The following MARCHF8 variants were observed in gnomAD, a reference collection of about 807,000 sequenced individuals.
MARCHF8 encodes E3 ubiquitin-protein ligase MARCHF8.
In MARCHF8, 40 loss-of-function variants were observed where a neutral mutation model predicts 51.6. The ratio of observed to expected loss-of-function variants is 0.77; its 90% confidence interval spans 0.60 to 1.01. The LOEUF (loss-of-function observed/expected upper bound fraction) is 1.01, where lower values mean the gene tolerates loss of function less well. Ranked by LOEUF, MARCHF8 falls within the 50% of genes least tolerant of loss-of-function variation. MARCHF8 has a pLI of 0.00. For synonymous variants in MARCHF8, 263 were observed against 280.3 expected (o/e 0.94, Z 0.62); for missense variants, 685 against 708.6 (o/e 0.97, Z 0.38).
chr10:45,505,105 C>T (rs1011170115), intron 2 of MARCHF8, among the ~76,000 whole-genome samples: 3 of 152,178 alleles, frequency 2.0e-5, no homozygotes, highest in African/African-American at 7.2e-5. Context: ...CCAGCTACTC[C>T]TGAATAAGAA....
chr10:45,512,539 C>T (rs1405366451), intron 2 of MARCHF8, among the ~76,000 whole-genome samples: 5 of 149,634 alleles, frequency 3.3e-5, no homozygotes, highest in East Asian at 2.0e-4. Context: ...TCTGCCCGGC[C>T]GCTCCTACTG....
chr10:45,543,988 A>T (rs901550626), intron 1 of MARCHF8, among the ~76,000 whole-genome samples: 2 of 152,062 alleles, frequency 1.3e-5, no homozygotes, highest in African/African-American at 4.8e-5. Context: ...GGGTCGTTTG[A>T]GCCCATGTGT....
intron 1 of MARCHF8, among the ~76,000 whole-genome samples, chr10:45,587,158 GT>G (rs1299301861): frequency 6.6e-6 from 1 of 152,074 alleles, no homozygotes; most frequent in East Asian, 1.9e-4. Flanking sequence ...AAAGGAAGAC[GT>G]AAAACTGTCT....
intron 1 of MARCHF8, among the ~76,000 whole-genome samples, chr10:45,545,040 C>A (rs955650969): frequency 2.0e-5 from 3 of 152,174 alleles, no homozygotes; most frequent in Non-Finnish European, 2.9e-5. Flanking sequence ...CCCTTTTGGG[C>A]TAACTAACTC....
intron 2 of MARCHF8, among the ~76,000 whole-genome samples, chr10:45,512,828 G>GGGAAA (rs1208226788): frequency 6.6e-6 from 1 of 152,126 alleles, no homozygotes; most frequent in East Asian, 1.9e-4. Context: ...TGGTTGCCGT[G>GGGAAA]TCTGTGTAGA....
intron 2 of MARCHF8, among the ~76,000 whole-genome samples, chr10:45,497,425 T>C (rs1271327653): frequency 2.0e-5 from 3 of 152,062 alleles, no homozygotes; most frequent in African/African-American, 4.8e-5. Flanking sequence ...CTAAACCAAC[T>C]TGACCTAACA....
chr10:45,555,201 C>T (rs2044238259), intron 1 of MARCHF8, among the ~76,000 whole-genome samples: 1 of 152,184 alleles, frequency 6.6e-6, no homozygotes, highest in African/African-American at 2.4e-5. Flanking sequence ...TGCACTCCAG[C>T]CTGGGCAACA....
chr10:45,582,916 T>C (rs1210052935), intron 1 of MARCHF8, among the ~76,000 whole-genome samples: 1 of 152,184 alleles, frequency 6.6e-6, no homozygotes, highest in Non-Finnish European at 1.5e-5. Context: ...ATATTTCTTA[T>C]TGATTTCACT....
chr10:45,544,128 TA>T (rs1300929519), intron 1 of MARCHF8, among the ~76,000 whole-genome samples: 1 of 152,030 alleles, frequency 6.6e-6, no homozygotes, highest in Non-Finnish European at 1.5e-5. Context: ...GAAAAGATGC[TA>T]AAAATTAAAA....
At chr10:45,516,702 T>G (rs1220686868) in intron 2 of MARCHF8, among the ~76,000 whole-genome samples, 2 of 152,094 alleles carry the variant, frequency 1.3e-5, no homozygotes, top group South Asian at 2.1e-4. Flanking sequence ...AGGCGGAGGT[T>G]GCAGTGAGCT....
At chr10:45,484,182 A>C (rs2042940057) in intron 3 of MARCHF8, among the ~76,000 whole-genome samples, 1 of 152,220 alleles carries the variant, frequency 6.6e-6, no homozygotes, top group South Asian at 2.1e-4. Flanking sequence ...AAATATGTAC[A>C]AATAAACTAA....
chr10:45,555,949 C>T (rs79563547), intron 1 of MARCHF8, among the ~76,000 whole-genome samples: 3,746 of 152,110 alleles, frequency 0.025, 156 homozygotes, highest in African/African-American at 0.085. Flanking sequence ...AAAGAGTCTT[C>T]TCTGTACTAG....
In MARCHF8 at chr10:45,463,524, G is replaced by A. The variant is rs1035652341; in HGVS notation, c.715C>T (p.Pro239Ser). ...SEVEAGKGGRPGLLLEEKADG... is the reference protein window; with the variant it reads ...SEVEAGKGGRSGLLLEEKADG... ...GCCTTCTCTTCCAGCAGCAGGCCGG[G>A]CCTGCCCCCCTTGCCAGCTTCCACC... is the stretch of plus-strand genomic sequence containing the variant. Residue 239 changes from proline (P) to serine (S), a missense_variant, in exon 5 of 8, where the codon CCC (proline) becomes TCC (serine). Transcript: ENST00000453424. The A allele has an allele frequency of 6.4e-7, 1 of 1,550,660 alleles. No individual in the cohort carries two copies. The highest frequency in any genetic ancestry group is 1.2e-5 in the South Asian group (1 of 84,066).
intron 2 of MARCHF8, among the ~76,000 whole-genome samples, chr10:45,499,422 GA>G: frequency 6.6e-6 from 1 of 152,216 alleles, no homozygotes; most frequent in Admixed American, 6.5e-5. Context: ...TTGATGCCCA[GA>G]AGTTTTAAAT....
chr10:45,546,500 G>A (rs1055868681), intron 1 of MARCHF8, among the ~76,000 whole-genome samples: 2 of 152,064 alleles, frequency 1.3e-5, no homozygotes, highest in African/African-American at 4.8e-5. Flanking sequence ...GAATAAAGCA[G>A]GCCAGGAGTG....
At chr10:45,546,184 A>C (rs2044119506) in intron 1 of MARCHF8, among the ~76,000 whole-genome samples, 1 of 144,530 alleles carries the variant, frequency 6.9e-6, no homozygotes, top group Non-Finnish European at 1.5e-5. Flanking sequence ...ATTTTGAGAC[A>C]GGGTCTCGCT....
intron 2 of MARCHF8, among the ~76,000 whole-genome samples, chr10:45,517,269 T>C (rs544115161): frequency 6.6e-6 from 1 of 152,350 alleles, no homozygotes; most frequent in Admixed American, 6.5e-5. Context: ...CCAAGAATAG[T>C]AATATGAATA....
At chr10:45,521,371 T>C (rs1188594883) in intron 2 of MARCHF8, among the ~76,000 whole-genome samples, 1 of 152,240 alleles carries the variant, frequency 6.6e-6, no homozygotes, top group Non-Finnish European at 1.5e-5. Context: ...CCTAGAACAA[T>C]GCAGCATAGC....
intron 3 of MARCHF8, among the ~76,000 whole-genome samples, chr10:45,471,726 G>T (rs1482664863): frequency 6.6e-6 from 1 of 152,168 alleles, no homozygotes; most frequent in Non-Finnish European, 1.5e-5. Flanking sequence ...TACCGAGCAG[G>T]AGTTTAATCA....
Sources: allele counts gnomAD v4.1 joint callset (sites outside exome capture counted in the v4.1 genomes callset), GRCh38; gene constraint gnomAD v4.1.1; transcripts MANE v1.5; gene names NCBI Gene and HGNC (gene_info 2026-07-23, HGNC 2026-07-21).